Variants in USP25 observed in about 807,000 individuals in gnomAD.
The protein encoded by USP25 is ubiquitin carboxyl-terminal hydrolase 25.
Under a neutral mutation model 158.5 loss-of-function variants are expected in USP25, and 85 were observed. The observed-to-expected ratio is 0.54, with a 90% CI of 0.45 to 0.64. The LOEUF is 0.64. Ranked by LOEUF, USP25 falls within the 30% of genes least tolerant of loss-of-function variation. The probability of loss-of-function intolerance (pLI) is 0.00; values close to 1 mark genes in which losing one functional copy is unlikely to be tolerated. For missense variants in USP25, 1,242 were observed against 1,327.3 expected, an observed-to-expected ratio of 0.94 and a Z score of 1.00; for synonymous variants, 464 against 460.4, an observed-to-expected ratio of 1.01 and a Z score of -0.10.
rs1273292408 is a variant in USP25 at position 15,826,735 on chromosome 21, T to C, written c.1467-242T>C. ...AAAATAATATCACCATGCGTAAGAT[T>C]TTCTTGTTTTTTAGAAATAAATATG... On this transcript the variant is annotated intron_variant, in intron 13 of 25. Transcript: ENST00000400183. This position sits in a 1 kb window ranked among gnomAD's most constrained non-coding sequence, Gnocchi z 4.8. Among the ~76,000 whole-genome samples the C allele has an allele frequency of 6.6e-6, 1 of 152,206 alleles. No homozygotes were observed. Among genetic ancestry groups the C allele is most frequent in the Non-Finnish European group, 1.5e-5 (1 of 68,028 alleles).
At chr21:15,846,248 C>T (rs1488002416) in intron 18 of USP25, among the ~76,000 whole-genome samples, 4 of 145,256 alleles carry the variant, frequency 2.8e-5, no homozygotes, top group East Asian at 2.1e-4. Context: ...CTGCAACCTC[C>T]GCCTCCCAGG....
chr21:15,849,735 G>A lies in USP25; in HGVS notation c.2452-42G>A, dbSNP rs1036388021. 3.3e-5 allele frequency: 48 copies of A among 1,434,524 alleles called. No homozygotes were observed. The East Asian group carries it at 1.2e-3, about 34-fold the overall frequency. 88.9% of individuals were successfully genotyped at this position (1,434,524 alleles called of 1,614,324 possible). Reference sequence around the variant, plus strand: ...GCTTGCATGTGAATAAATTATTTTAGTTTAAAAACCTTTTTTTAATGTTAA... The same window carrying A: ...GCTTGCATGTGAATAAATTATTTTAATTTAAAAACCTTTTTTTAATGTTAA... On this transcript the variant is annotated intron_variant, in intron 19 of 25. Transcript: ENST00000400183.
intron 4 of USP25, among the ~76,000 whole-genome samples, chr21:15,787,860 C>T (rs2035369135): frequency 6.7e-6 from 1 of 149,572 alleles, no homozygotes; most frequent in African/African-American, 2.5e-5. Flanking sequence ...CTGCTATAGG[C>T]AATTTAACAA....
chr21:15,760,699 T>C (rs1271204489), intron 1 of USP25, among the ~76,000 whole-genome samples: 1 of 152,218 alleles, frequency 6.6e-6, no homozygotes, highest in Non-Finnish European at 1.5e-5. Context: ...TTTAAAACTT[T>C]TTATTTTGAA....
At chr21:15,785,468 A>G (rs769826120) in intron 4 of USP25, among the ~76,000 whole-genome samples, 2 of 152,204 alleles carry the variant, frequency 1.3e-5, no homozygotes, top group Non-Finnish European at 2.9e-5. Context: ...GATGGTATCA[A>G]GTATTTTACC....
Position 15,730,316 on chromosome 21 carries a change from G to T in USP25, c.-78G>T, listed in dbSNP as rs2030657210. 3 of 1,035,546 alleles carry T rather than the reference G, an allele frequency of 2.9e-6. No homozygotes were observed. The highest frequency in any genetic ancestry group is 3.5e-6 in the Non-Finnish European group (3 of 863,954). The allele number at this position is 1,035,546 out of a possible 1,614,324, so 64.1% of individuals were successfully genotyped here. On this transcript the variant is annotated 5_prime_UTR_variant, in exon 1 of 26. Coordinates refer to ENST00000400183, the MANE Select transcript of USP25 (RefSeq NM_001283041.3). ...CCGCGCCGCTCCCTGGAGCTCGGCG[G>T]AGCGCGGCAGCCAGGGCCGGCGGAG...
intron 10 of USP25, among the ~76,000 whole-genome samples, chr21:15,822,279 C>T (rs1360162961): frequency 1.3e-5 from 2 of 151,926 alleles, no homozygotes; most frequent in South Asian, 4.1e-4. Context: ...CTCATCTTGT[C>T]CCCATCAGCT....
At chr21:15,849,080 G>C (rs1207455957) in intron 19 of USP25, among the ~76,000 whole-genome samples, 1 of 152,106 alleles carries the variant, frequency 6.6e-6, no homozygotes, top group East Asian at 1.9e-4. Context: ...AAAATTATGG[G>C]AACTGGCATG....
intron 6 of USP25, among the ~76,000 whole-genome samples, chr21:15,802,964 G>A (rs904874841): frequency 6.6e-6 from 1 of 151,638 alleles, no homozygotes. Context: ...GAGTGAAAAA[G>A]GGAAACATCA....
chr21:15,872,529 C>T (rs546109132), intron 23 of USP25, among the ~76,000 whole-genome samples: 7 of 152,250 alleles, frequency 4.6e-5, no homozygotes, highest in South Asian at 2.1e-4. Context: ...TATTAATTAA[C>T]GAACTACTAC....
chr21:15,872,040 T>TA (rs2039914924), intron 23 of USP25, among the ~76,000 whole-genome samples: 1 of 134,508 alleles, frequency 7.4e-6, no homozygotes, highest in Non-Finnish European at 1.6e-5. Context: ...TTTTTTTTTT[T>TA]ACTTTAAATC....
chr21:15,765,211 A>G (rs928456386), intron 2 of USP25, among the ~76,000 whole-genome samples: 3 of 152,078 alleles, frequency 2.0e-5, no homozygotes, highest in South Asian at 4.1e-4. Context: ...TGGGTTTCCT[A>G]TGTTGTTTTG....
chr21:15,805,909 G>A (rs1429445724), intron 7 of USP25, among the ~76,000 whole-genome samples: 1 of 152,140 alleles, frequency 6.6e-6, no homozygotes, highest in Non-Finnish European at 1.5e-5. Context: ...AGCTTGCAGC[G>A]TTGTTTTTTA....
intron 22 of USP25, among the ~76,000 whole-genome samples, chr21:15,866,681 C>A (rs1170768728): frequency 6.6e-6 from 1 of 152,026 alleles, no homozygotes; most frequent in Non-Finnish European, 1.5e-5. Flanking sequence ...TTAGAAATTG[C>A]TGTTACATAA....
intron 5 of USP25, among the ~76,000 whole-genome samples, chr21:15,795,395 C>T (rs532666820): frequency 6.6e-6 from 1 of 151,632 alleles, no homozygotes; most frequent in Non-Finnish European, 1.5e-5. Context: ...AATGCTTCAA[C>T]ATGTTTGTTA....
At chr21:15,768,868 C>T (rs1313406952) in intron 3 of USP25, among the ~76,000 whole-genome samples, 1 of 151,960 alleles carries the variant, frequency 6.6e-6, no homozygotes, top group Non-Finnish European at 1.5e-5. Context: ...AAAACCAGGG[C>T]TAAAGCAGAA....
At chr21:15,835,169 GC>G (rs1202295538) in intron 17 of USP25, among the ~76,000 whole-genome samples, 2 of 152,170 alleles carry the variant, frequency 1.3e-5, no homozygotes, top group Non-Finnish European at 2.9e-5. Context: ...TGTACTATAA[GC>G]AGTTGTGGTA....
chr21:15,874,381 A>G (rs773630779), intron 23 of USP25, 22 bp from the exon 24 acceptor site: 1 of 1,576,484 alleles, frequency 6.3e-7, no homozygotes, highest in Non-Finnish European at 8.6e-7. Context: ...CTAATGTTAT[A>G]TGTTTCTTTT....
intron 20 of USP25, among the ~76,000 whole-genome samples, chr21:15,850,850 G>A (rs1030558005): frequency 7.2e-5 from 11 of 151,802 alleles, no homozygotes; most frequent in African/African-American, 1.5e-4. Context: ...TGATATGCCC[G>A]GGACTGAGGG....
Sources: allele counts gnomAD v4.1 joint callset (sites outside exome capture counted in the v4.1 genomes callset), GRCh38; gene constraint gnomAD v4.1.1; non-coding constraint Gnocchi (gnomAD v3.1); transcripts MANE v1.5; gene names NCBI Gene and HGNC (gene_info 2026-07-23, HGNC 2026-07-21).